Variants in GRID2 observed in about 807,000 individuals in gnomAD.
GRID2 encodes glutamate ionotropic receptor delta type subunit 2.
GRID2 carries 33 observed loss-of-function variants against 114.8 expected under a neutral mutation model. That is an observed-to-expected ratio of 0.29 (90% CI 0.22 to 0.38). GRID2 has a LOEUF of 0.38. Among genes scored for constraint, GRID2 ranks in the 10% least tolerant of loss-of-function variants. The probability of loss-of-function intolerance (pLI) is 1.00; values close to 1 mark genes in which losing one functional copy is unlikely to be tolerated. For synonymous variants in GRID2, 505 were observed against 449.9 expected, an observed-to-expected ratio of 1.12 and a Z score of -1.55; for missense variants, 1,184 against 1,257.7, an observed-to-expected ratio of 0.94 and a Z score of 0.89.
rs1394049192 is a variant in GRID2 at position 93,772,305 on chromosome 4, T to C, written c.2831T>C (p.Leu944Pro). 2 of 1,614,116 alleles carry C rather than the reference T, an allele frequency of 1.2e-6. No individual in the cohort carries two copies. The highest frequency in any genetic ancestry group is 1.7e-6 in the Non-Finnish European group (2 of 1,179,974). ...CAGATCCAGACTCTTAGCCGCACACTGTCAGCTAAAGCTGCTTCTGGTTTC... is the reference window on the plus strand; with the variant it reads ...CAGATCCAGACTCTTAGCCGCACACCGTCAGCTAAAGCTGCTTCTGGTTTC... ...PEQIQTLSRT[L>P]SAKAASGFTF... Residue 944 changes from leucine (L) to proline (P), a missense_variant, in exon 16 of 16, where the codon CTG becomes CCG. Leu to Pro is a moderately conservative substitution (Grantham distance 98). This residue lies in a region of GRID2 where 717 missense variants were observed against 796.9 expected (regional missense o/e 0.90). Transcript: ENST00000282020.
At chr4:93,168,251 G>C (rs1263622253) in intron 4 of GRID2, among the ~76,000 whole-genome samples, 1 of 151,358 alleles carries the variant, frequency 6.6e-6, no homozygotes, top group Non-Finnish European at 1.5e-5. Flanking sequence ...AAAAGGAAAG[G>C]AAAGGGGAAG....
intron 8 of GRID2, among the ~76,000 whole-genome samples, chr4:93,382,613 T>A (rs901123928): frequency 3.9e-5 from 6 of 152,024 alleles, no homozygotes; most frequent in South Asian, 2.1e-4. Context: ...ACGTTTATAA[T>A]TTATTCATGT....
At chr4:92,308,719 A>G (rs965082906) in intron 1 of GRID2, among the ~76,000 whole-genome samples, 3 of 152,044 alleles carry the variant, frequency 2.0e-5, no homozygotes, top group African/African-American at 7.2e-5. Context: ...CATTCCCAGA[A>G]GATGTGCTGT....
chr4:93,808,032 C>A (rs557081118), exon 2 of GRID2: 2 of 152,066 alleles, frequency 1.3e-5, no homozygotes, highest in South Asian at 2.1e-4. Flanking sequence ...GCCAAAGCAA[C>A]CTAAAAGATT....
chr4:92,395,388 C>T (rs1296531736), intron 1 of GRID2, among the ~76,000 whole-genome samples: 2 of 151,546 alleles, frequency 1.3e-5, no homozygotes, highest in African/African-American at 4.8e-5. Flanking sequence ...ATTTTTACAG[C>T]CTTTTAAAAA....
At position 93,594,711 on chromosome 4, in the gene GRID2, G is replaced by A. The variant is rs181295845; in HGVS notation, c.2194-31558G>A. ...CTGTGCTAGCAATCAATGAGACTCC[G>A]TGGGGTAGGACCCTCTGAGCCAGGT... On this transcript the variant is annotated intron_variant, in intron 13 of 15. Coordinates refer to ENST00000282020, the MANE Select transcript of GRID2 (RefSeq NM_001510.4). 7.4e-3 allele frequency among the ~76,000 whole-genome samples: 1,129 copies of A among 152,218 alleles called. 11 individuals carry two copies. Among genetic ancestry groups the A allele is most frequent in the African/African-American group, 0.025 (1,036 of 41,548 alleles).
rs1762414810 is a variant in GRID2, at chr4:93,367,114, A to G, written c.1246-28493A>G. Among the ~76,000 whole-genome samples, 3 of 151,614 alleles carry G rather than the reference A, an allele frequency of 2.0e-5. 1 individual carries two copies. The highest frequency in any genetic ancestry group is 2.1e-4 in the South Asian group (1 of 4,810). On this transcript the variant is annotated intron_variant, in intron 8 of 15. Transcript: ENST00000282020. Reference sequence around the variant, plus strand: ...GCTTTTGAATCTATCCCCAATCTCAATTTAGTTGTTTCAAATTATTTGAGA... The same window carrying G: ...GCTTTTGAATCTATCCCCAATCTCAGTTTAGTTGTTTCAAATTATTTGAGA...
chr4:92,826,798 A>T (rs911450349), intron 2 of GRID2, among the ~76,000 whole-genome samples: 2 of 152,132 alleles, frequency 1.3e-5, no homozygotes, highest in Admixed American at 6.6e-5. Flanking sequence ...GTATTACAAC[A>T]TGAGTTTTTC....
intron 14 of GRID2, among the ~76,000 whole-genome samples, chr4:93,724,096 T>C (rs774373260): frequency 1.3e-5 from 2 of 152,204 alleles, no homozygotes; most frequent in African/African-American, 2.4e-5. Flanking sequence ...TAAACATATT[T>C]AAAAGACACG....
chr4:92,777,020 C>T (rs978755577), intron 2 of GRID2, among the ~76,000 whole-genome samples: 1 of 151,754 alleles, frequency 6.6e-6, no homozygotes, highest in South Asian at 2.1e-4. Context: ...CAAACAATAA[C>T]TTAAAAAATT....
intron 1 of GRID2, among the ~76,000 whole-genome samples, chr4:92,390,488 A>G (rs765898592): frequency 7.2e-5 from 11 of 152,164 alleles, no homozygotes; most frequent in Non-Finnish European, 1.3e-4. Context: ...TCTGGCCCTG[A>G]CTGCGGAGGG....
intron 2 of GRID2, among the ~76,000 whole-genome samples, chr4:93,069,970 T>A (rs1728666360): frequency 6.6e-6 from 1 of 152,136 alleles, no homozygotes; most frequent in Admixed American, 6.6e-5. Flanking sequence ...TTTCAGTTTT[T>A]AATTTTTTCA....
rs2149411896 is a variant in GRID2 at position 93,455,737 on chromosome 4, A to G, written c.1621A>G (p.Met541Val). Residue 541 changes from methionine to valine, a missense_variant, in exon 11 of 16, where the codon ATG (methionine) becomes GTG (valine). By Grantham distance (21) the Met-to-Val change is conservative. Around this residue, in one of 3 missense-constraint regions of GRID2, gnomAD observed 717 missense variants for 796.9 expected, o/e 0.90. Transcript: ENST00000282020. ...TGTGGTGGACTTTACGACACGTTAC[A>G]TGGACTACTCAGTGGGGGTACTACT... ...ENVVDFTTRY[M>V]DYSVGVLLRR... 3 of 1,611,842 alleles carry G rather than the reference A, an allele frequency of 1.9e-6. No individual in the cohort carries two copies. The highest frequency in any genetic ancestry group is 1.3e-5 in the African/African-American group (1 of 74,974).
chr4:92,921,922 A>G (rs1349895396), intron 2 of GRID2, among the ~76,000 whole-genome samples: 2 of 152,164 alleles, frequency 1.3e-5, no homozygotes, highest in Admixed American at 6.5e-5. Flanking sequence ...TGCCTTTTGT[A>G]TGGCTATGCC....
intron 1 of GRID2, among the ~76,000 whole-genome samples, chr4:92,573,263 ACAG>A (rs1488416666): frequency 6.6e-6 from 1 of 151,646 alleles, no homozygotes; most frequent in Non-Finnish European, 1.5e-5. Flanking sequence ...TTTCAAAAAA[ACAG>A]CTTCTGGATT....
intron 2 of GRID2, among the ~76,000 whole-genome samples, chr4:92,630,165 C>A (rs940854932): frequency 1.3e-5 from 2 of 151,964 alleles, no homozygotes; most frequent in Admixed American, 6.6e-5. Context: ...ATAAGGAAAT[C>A]ACTGTTGAAC....
At chr4:93,035,821 A>G (rs1461772076) in intron 2 of GRID2, among the ~76,000 whole-genome samples, 1 of 151,954 alleles carries the variant, frequency 6.6e-6, no homozygotes, top group African/African-American at 2.4e-5. Context: ...GTAAGCATGG[A>G]CTCTTTAACC....
At chr4:92,465,981 TTAA>T (rs1465456076) in intron 1 of GRID2, among the ~76,000 whole-genome samples, 4 of 151,890 alleles carry the variant, frequency 2.6e-5, no homozygotes, top group African/African-American at 9.6e-5. Context: ...CTTTTTATAT[TTAA>T]TAATAATATA....
intron 12 of GRID2, among the ~76,000 whole-genome samples, chr4:93,507,620 T>G (rs1177893324): frequency 1.3e-5 from 2 of 152,188 alleles, no homozygotes; most frequent in African/African-American, 4.8e-5. Context: ...CCATTTCAGT[T>G]TGCTTCCAAT....
Sources: gnomAD v4.1 joint callset for allele counts (sites outside exome capture counted in the v4.1 genomes callset) on GRCh38, gnomAD v4.1.1 for gene constraint, gnomAD v4.1.1 regional missense constraint, MANE v1.5 for transcripts, NCBI Gene and HGNC (gene_info 2026-07-23, HGNC 2026-07-21) for gene names.